Variants in RERE observed in about 807,000 individuals in gnomAD.
RERE encodes the protein arginine-glutamic acid dipeptide repeats.
A neutral mutation model predicts 146.1 loss-of-function variants in RERE; 40 were observed. That is an observed-to-expected ratio of 0.27 (90% confidence interval 0.21 to 0.36). The LOEUF (loss-of-function observed/expected upper bound fraction) is 0.36. Among genes scored for constraint, RERE ranks in the 10% least tolerant of loss-of-function variants. RERE has a pLI of 1.00. For missense variants in RERE, 1,933 were observed against 2,138.7 expected (o/e 0.90, Z 1.90); for synonymous variants, 1,003 against 866.0 (o/e 1.16, Z -2.78).
chr1:8,597,841 G>T (rs186105438), intron 4 of RERE, among the ~76,000 whole-genome samples: 2 of 151,562 alleles, frequency 1.3e-5, no homozygotes, highest in African/African-American at 4.9e-5. Context: ...TCTTCCAGAA[G>T]AACTCACTAC....
At chr1:8,492,959 A>G (rs1041469267) in intron 10 of RERE, among the ~76,000 whole-genome samples, 1 of 152,000 alleles carries the variant, frequency 6.6e-6, no homozygotes, top group African/African-American at 2.4e-5. Flanking sequence ...TCCCAGCTAC[A>G]GCTACTCAGG....
chr1:8,706,908 T>G (rs1265021213), intron 1 of RERE, among the ~76,000 whole-genome samples: 1 of 152,220 alleles, frequency 6.6e-6, no homozygotes, highest in Non-Finnish European at 1.5e-5. Context: ...GTTTTGCACA[T>G]GACCACATGA....
At position 8,621,985 on chromosome 1, in the gene RERE, C is replaced by G. The variant is rs867301185; in HGVS notation, c.396+2325G>C. Among the ~76,000 whole-genome samples, 137 of 152,304 alleles carry G rather than the reference C, an allele frequency of 9.0e-4. 1 individual carries two copies. The highest frequency in any genetic ancestry group is 1.2e-3 in the African/African-American group (50 of 41,566). ...AACAACTATGAGGATGTGCTGAATA[C>G]AGAACCTCAAACAAAAACATGAGAA... On this transcript the variant is annotated intron_variant, in intron 3 of 22. Transcript: ENST00000400908.
At chr1:8,525,425 C>A (rs763454692) in intron 7 of RERE, among the ~76,000 whole-genome samples, 8 of 152,200 alleles carry the variant, frequency 5.3e-5, no homozygotes, top group Non-Finnish European at 7.3e-5. Context: ...GCTTGCTCTG[C>A]AGGTCTTGAA....
At chr1:8,693,331 T>C (rs1477763554) in intron 1 of RERE, among the ~76,000 whole-genome samples, 1 of 152,214 alleles carries the variant, frequency 6.6e-6, no homozygotes, top group Admixed American at 6.5e-5. Flanking sequence ...TGCCAAAACC[T>C]GGAAGCAATC....
intron 1 of RERE, among the ~76,000 whole-genome samples, chr1:8,744,541 A>G (rs1319840040): frequency 1.3e-5 from 2 of 152,234 alleles, no homozygotes; most frequent in East Asian, 3.8e-4. Context: ...CAATCAGGTA[A>G]TTTTGATAGA....
intron 4 of RERE, among the ~76,000 whole-genome samples, chr1:8,575,559 A>ATTT (rs1455771268): frequency 3.0e-5 from 2 of 66,024 alleles, no homozygotes; most frequent in Admixed American, 1.4e-4. Flanking sequence ...ATATATATAT[A>ATTT]TATTTTTTTT....
At chr1:8,495,774 C>T (rs1645037056) in intron 9 of RERE, among the ~76,000 whole-genome samples, 1 of 152,174 alleles carries the variant, frequency 6.6e-6, no homozygotes, top group Non-Finnish European at 1.5e-5. Flanking sequence ...CAGTAGATGA[C>T]AATCTTCTGA....
At chr1:8,581,517 C>A (rs1400714973) in intron 4 of RERE, among the ~76,000 whole-genome samples, 1 of 152,114 alleles carries the variant, frequency 6.6e-6, no homozygotes, top group African/African-American at 2.4e-5. Context: ...ATTAAGAAAT[C>A]ATTGCCTAAA....
At chr1:8,387,511 T>TA (rs1354753469) in intron 12 of RERE, among the ~76,000 whole-genome samples, 1 of 152,122 alleles carries the variant, frequency 6.6e-6, no homozygotes, top group Non-Finnish European at 1.5e-5. Flanking sequence ...TAACCAATCA[T>TA]AAAAAGTGTG....
intron 7 of RERE, among the ~76,000 whole-genome samples, chr1:8,528,818 G>A (rs1412099931): frequency 6.6e-6 from 1 of 152,044 alleles, no homozygotes; most frequent in Non-Finnish European, 1.5e-5. Context: ...AGCAAAGATG[G>A]TAAACACAGA....
At chr1:8,515,497 G>A (rs1645402084) in intron 7 of RERE, among the ~76,000 whole-genome samples, 1 of 152,136 alleles carries the variant, frequency 6.6e-6, no homozygotes, top group Admixed American at 6.5e-5. Flanking sequence ...CGGGCGTGGT[G>A]GCAGGCGCCT....
chr1:8,355,726 C>T, intron 21 of RERE, 127 bp from the exon 22 acceptor site: 2 of 804,986 alleles, frequency 2.5e-6, no homozygotes, highest in East Asian at 3.0e-5. Flanking sequence ...GAGCCAGCCC[C>T]TCCCAGACTC....
chr1:8,568,333 T>C (rs1308974436), intron 4 of RERE, among the ~76,000 whole-genome samples: 1 of 152,176 alleles, frequency 6.6e-6, no homozygotes, highest in African/African-American at 2.4e-5. Context: ...GCTTTTGAAC[T>C]TGAACTGAGC....
chr1:8,798,568 T>TG (rs1267417976), intron 1 of RERE: 1 of 218,580 alleles, frequency 4.6e-6, no homozygotes, highest in East Asian at 1.1e-4. Flanking sequence ...TGAAGAACAC[T>TG]GATGATGGCA....
chr1:8,666,290 T>C (rs982868387), intron 1 of RERE, among the ~76,000 whole-genome samples: 3 of 152,194 alleles, frequency 2.0e-5, no homozygotes, highest in African/African-American at 7.2e-5. Flanking sequence ...GGAACCGAGG[T>C]ACCTCAAGTA....
At chr1:8,595,360 A>G (rs1463054) in intron 4 of RERE, among the ~76,000 whole-genome samples, 128,778 of 151,864 alleles carry the variant, frequency 0.85, 54,897 homozygotes, top group East Asian at 0.95. Flanking sequence ...ATCATTAAAT[A>G]CCAATAAAAA....
At chr1:8,652,467 G>A (rs185452295) in intron 2 of RERE, among the ~76,000 whole-genome samples, 2 of 152,304 alleles carry the variant, frequency 1.3e-5, no homozygotes, top group African/African-American at 4.8e-5. Context: ...CAAGAAGGGA[G>A]GTGTATTAGT....
intron 1 of RERE, among the ~76,000 whole-genome samples, chr1:8,675,711 G>A (rs1336868887): frequency 6.6e-5 from 10 of 150,704 alleles, no homozygotes; most frequent in Admixed American, 2.6e-4. Flanking sequence ...CGACAAGAGC[G>A]AAACTCCGAC....
Sources: gnomAD v4.1 joint callset for allele counts (sites outside exome capture counted in the v4.1 genomes callset) on GRCh38, gnomAD v4.1.1 for gene constraint, MANE v1.5 for transcripts, NCBI Gene and HGNC (gene_info 2026-07-23, HGNC 2026-07-21) for gene names.